The following LPCAT1 variants were observed in gnomAD, a reference collection of about 807,000 sequenced individuals.
The protein encoded by LPCAT1 is lysophosphatidylcholine acyltransferase 1.
LPCAT1 carries 23 observed loss-of-function variants against 60.9 expected under a neutral mutation model. The ratio of observed to expected loss-of-function variants is 0.38; its 90% CI spans 0.27 to 0.53. LPCAT1 has a LOEUF of 0.53. Among genes scored for constraint, LPCAT1 ranks in the 20% least tolerant of loss-of-function variants. The pLI, the probability that LPCAT1 is intolerant of heterozygous loss-of-function variation, is 0.82. For synonymous variants in LPCAT1, 340 were observed against 301.1 expected, an observed-to-expected ratio of 1.13 and a Z score of -1.34; for missense variants, 622 against 723.6, an observed-to-expected ratio of 0.86 and a Z score of 1.61.
rs1736709776 is a variant in LPCAT1, at chr5:1,522,621, C to G, written c.135+1089G>C. 6.6e-6 allele frequency among the ~76,000 whole-genome samples: 1 copy of G among 152,216 alleles called. No homozygotes were observed. The highest frequency in any genetic ancestry group is 2.1e-4 in the South Asian group (1 of 4,836). On this transcript the variant is annotated intron_variant, in intron 1 of 13. Transcript: ENST00000283415. This position sits in a 1 kb window ranked among gnomAD's most constrained non-coding sequence, Gnocchi z 6.8. ...GCAGGCGTCCTGGGAAAATGACAAG[C>G]TCAAACTGGCCTCAAGAACTTTTCA...
At position 1,488,447 on chromosome 5, in the gene LPCAT1, A is replaced by G. The variant is rs1220339034; in HGVS notation, c.611T>C (p.Met204Thr). Residue 204 changes from methionine (M) to threonine (T), a missense_variant, in exon 5 of 14, where the codon ATG (methionine) becomes ACG (threonine). Physicochemically the swap from Met to Thr is moderately conservative, Grantham distance 81 (BLOSUM62 -1). Around this residue, in one of 3 missense-constraint regions of LPCAT1, gnomAD observed 209 missense variants for 325.5 expected, o/e 0.64. Transcript: ENST00000283415. Reference sequence around the variant, plus strand: ...TGTACAAGTTCCTTCTGGAAAAATCATTATCTGGAAGTGGGAGAAAGAAAA... The same window carrying G: ...TGTACAAGTTCCTTCTGGAAAAATCGTTATCTGGAAGTGGGAGAAAGAAAA... Reference protein sequence around the residue: ...AQSNGKWPQIMIFPEGTCTNR... With the variant: ...AQSNGKWPQITIFPEGTCTNR... The G allele has an allele frequency of 5.6e-6, 9 of 1,596,956 alleles. No homozygotes were observed. The highest frequency in any genetic ancestry group is 1.7e-5 in the Admixed American group (1 of 57,534).
chr5:1,480,397 G>A lies in LPCAT1; in HGVS notation c.761+545C>T, dbSNP rs1312974937. 7 of 985,086 alleles carry A rather than the reference G, an allele frequency of 7.1e-6. No homozygotes were observed. Among genetic ancestry groups the A allele is most frequent in the South Asian group, 4.7e-5 (1 of 21,290 alleles). 61.0% of individuals were successfully genotyped at this position (985,086 alleles called of 1,614,324 possible). ...ACTTTCCCGCTCCCTCTGCCCTCCC[G>A]ACGTCAGCTCAGACGTCAGCACCCA... On this transcript the variant is annotated intron_variant, in intron 7 of 13. Transcript: ENST00000283415. This position sits in a 1 kb window ranked among gnomAD's most constrained non-coding sequence, Gnocchi z 6.4.
In LPCAT1 at chr5:1,502,108, C is replaced by T. The variant is rs1484777949; in HGVS notation, c.136-505G>A. On this transcript the variant is annotated intron_variant, in intron 1 of 13. Transcript: ENST00000283415. This position sits in a 1 kb window ranked among gnomAD's most constrained non-coding sequence, Gnocchi z 5.5. ...TGCTAACTGACATGCTCCACACCCA[C>T]TGCCCGCTTCCTGCCTCCTTACTGG... is the stretch of plus-strand genomic sequence containing the variant. Among the ~76,000 whole-genome samples, 8 of 152,254 alleles carry T rather than the reference C, an allele frequency of 5.3e-5. No homozygotes were observed. The highest frequency in any genetic ancestry group is 7.3e-5 in the Non-Finnish European group (5 of 68,044).
chr5:1,503,599 C>T lies in LPCAT1; in HGVS notation c.136-1996G>A, dbSNP rs550483991. 1.8e-4 allele frequency among the ~76,000 whole-genome samples: 27 copies of T among 152,316 alleles called. No homozygotes were observed. In the East Asian group the frequency reaches 3.9e-3, roughly 22 times the overall value. On this transcript the variant is annotated intron_variant, in intron 1 of 13. Transcript: ENST00000283415. ...CACTGTCACCAGCTGTTAAGTAAGA[C>T]GCGCCTGTCCGCTCCTGTCACTTCC...
At position 1,496,163 on chromosome 5, in the gene LPCAT1, C is replaced by A. The variant is rs887432669; in HGVS notation, c.279-1249G>T. 1.3e-5 allele frequency among the ~76,000 whole-genome samples: 2 copies of A among 152,164 alleles called. No homozygotes were observed. The highest frequency in any genetic ancestry group is 2.9e-5 in the Non-Finnish European group (2 of 68,032). On this transcript the variant is annotated intron_variant, in intron 2 of 13. Transcript: ENST00000283415. This position sits in a 1 kb window ranked among gnomAD's most constrained non-coding sequence, Gnocchi z 4.7. ...ATCACTTGAGGTCAGGAGCTCAAGACCAGCCTGGCCAACATGGTGAAACCC... is the reference window on the plus strand; with the variant it reads ...ATCACTTGAGGTCAGGAGCTCAAGAACAGCCTGGCCAACATGGTGAAACCC...
chr5:1,490,764 A>G (rs957621169), intron 3 of LPCAT1, among the ~76,000 whole-genome samples: 1 of 152,220 alleles, frequency 6.6e-6, no homozygotes, highest in Non-Finnish European at 1.5e-5. Context: ...ATGCAAGAGG[A>G]TTGAACGTGG....
chr5:1,479,804 C>T lies in LPCAT1; in HGVS notation c.762-129G>A, dbSNP rs529527904. 9.0e-5 allele frequency: 64 copies of T among 707,976 alleles called. No individual in the cohort carries two copies. In the Middle Eastern group the frequency reaches 1.2e-3, roughly 13 times the overall value. The allele number at this position is 707,976 out of a possible 1,614,324, so 43.9% of individuals were successfully genotyped here. A position where few individuals can be genotyped will look rare whatever the true frequency, so the allele number is the denominator to read the frequency against. On this transcript the variant is annotated intron_variant, in intron 7 of 13. Coordinates refer to ENST00000283415, the MANE Select transcript of LPCAT1 (RefSeq NM_024830.5). ...CGCTACTGGGCAGTCAACGCTCCCA[C>T]GGAGGGGGTGCCGTGCCCACCCAGC...
chr5:1,476,688 G>A lies in LPCAT1; in HGVS notation c.899+716C>T, dbSNP rs1734932610. Among the ~76,000 whole-genome samples, 1 of 152,156 alleles carries A rather than the reference G, an allele frequency of 6.6e-6. No individual in the cohort carries two copies. Among genetic ancestry groups the A allele is most frequent in the Non-Finnish European group, 1.5e-5 (1 of 68,032 alleles). ...AGCTCCACTGGACAGAGCTTTGCAG[G>A]AGGAAGCACTAGGGAGGCATTCACG... On this transcript the variant is annotated intron_variant, in intron 9 of 13. Transcript: ENST00000283415. This position sits in a 1 kb window ranked among gnomAD's most constrained non-coding sequence, Gnocchi z 8.6.
intron 3 of LPCAT1, among the ~76,000 whole-genome samples, chr5:1,493,136 C>T (rs574659127): frequency 1.3e-5 from 2 of 152,356 alleles, no homozygotes; most frequent in South Asian, 2.1e-4. Context: ...CCAGTGCCGG[C>T]CTGTCCAGCC....
At chr5:1,520,466 G>A (rs1388274083) in intron 1 of LPCAT1, among the ~76,000 whole-genome samples, 2 of 152,286 alleles carry the variant, frequency 1.3e-5, no homozygotes, top group Non-Finnish European at 2.9e-5. Flanking sequence ...AGACAGCAAC[G>A]CCCGTCCAAG....
chr5:1,465,997 C>T (rs1050976231), intron 13 of LPCAT1, among the ~76,000 whole-genome samples: 1 of 152,172 alleles, frequency 6.6e-6, no homozygotes, highest in East Asian at 1.9e-4. Flanking sequence ...CCCGCACAGA[C>T]GCTGTGCACG....
chr5:1,472,993 C>T (rs1386000094), intron 11 of LPCAT1, among the ~76,000 whole-genome samples: 1 of 152,030 alleles, frequency 6.6e-6, no homozygotes, highest in Admixed American at 6.5e-5. Context: ...CTCATCTTCT[C>T]TTGCTCTCTC....
At position 1,475,656 on chromosome 5, in the gene LPCAT1, A is replaced by G. The variant is rs556498333; in HGVS notation, c.900-971T>C. The stretch of plus-strand genomic sequence containing the variant: ...GAACGTGCTTCCAACACTGCCTCCT[A>G]GGACCCACTACGGGAGTGGGAAACC... On this transcript the variant is annotated intron_variant, in intron 9 of 13. Coordinates refer to ENST00000283415, the MANE Select transcript of LPCAT1 (RefSeq NM_024830.5). Among the ~76,000 whole-genome samples, 141 of 152,288 alleles carry G rather than the reference A, an allele frequency of 9.3e-4. 3 individuals are homozygous for G. The South Asian group carries it at 0.028, about 30-fold the overall frequency.
Position 1,479,632 on chromosome 5 carries a change from C to T in LPCAT1, c.805G>A (p.Val269Met). Reference protein sequence around the residue: ...WLTLCQFHNQVEIEFLPVYSP... With the variant: ...WLTLCQFHNQMEIEFLPVYSP... ...GTATCCATACGAACCTCGATTTCCA[C>T]TTGGTTGTGAAACTGACACAGCGTG... The change falls in exon 8 of 14, where the codon GTG becomes ATG. Residue 269 changes from valine (V) to methionine (M), a missense_variant. Val to Met is a conservative substitution (Grantham distance 21). Coordinates refer to ENST00000283415, the MANE Select transcript of LPCAT1 (RefSeq NM_024830.5). 6.2e-7 allele frequency: 1 copy of T among 1,611,326 alleles called. No individual in the cohort carries two copies. Among genetic ancestry groups the T allele is most frequent in the Non-Finnish European group, 8.5e-7 (1 of 1,177,398 alleles).
rs983056528 is a variant in LPCAT1 at position 1,521,051 on chromosome 5, A to C, written c.135+2659T>G. Among the ~76,000 whole-genome samples the C allele has an allele frequency of 6.6e-6, 1 of 152,046 alleles. No individual in the cohort carries two copies. Among genetic ancestry groups the C allele is most frequent in the Non-Finnish European group, 1.5e-5 (1 of 68,000 alleles). On this transcript the variant is annotated intron_variant, in intron 1 of 13. Coordinates refer to ENST00000283415, the MANE Select transcript of LPCAT1 (RefSeq NM_024830.5). This position sits in a 1 kb window ranked among gnomAD's most constrained non-coding sequence, Gnocchi z 4.3. ...TGTGACTATGAAGAACCTCAGCTGAACTCACTAAGATCCTGTACCATACCA... is the reference window on the plus strand; with the variant it reads ...TGTGACTATGAAGAACCTCAGCTGACCTCACTAAGATCCTGTACCATACCA...
At chr5:1,471,640 G>A (rs956793834) in intron 11 of LPCAT1, among the ~76,000 whole-genome samples, 1 of 151,550 alleles carries the variant, frequency 6.6e-6, no homozygotes, top group Non-Finnish European at 1.5e-5. Flanking sequence ...GCAACCAGGA[G>A]TGGAGGGAGG....
rs925530291 is a variant in LPCAT1, at chr5:1,462,227, T to G, written c.*1424A>C. 2 of 152,580 alleles carry G rather than the reference T, an allele frequency of 1.3e-5. No homozygotes were observed. Among genetic ancestry groups the G allele is most frequent in the Admixed American group, 1.3e-4 (2 of 15,286 alleles). The allele number at this position is 152,580 out of a possible 1,614,324, so 9.5% of individuals were successfully genotyped here. A position where few individuals can be genotyped will look rare whatever the true frequency, so the allele number is the denominator to read the frequency against. On this transcript the variant is annotated 3_prime_UTR_variant, in exon 14 of 14. Transcript: ENST00000283415. Reference sequence around the variant, plus strand: ...TTCATTTCAGAAATCAAAAAAATTTTCCAAACAAACCCGGAGCCTTTGCTT... The same window carrying G: ...TTCATTTCAGAAATCAAAAAAATTTGCCAAACAAACCCGGAGCCTTTGCTT...
chr5:1,520,588 C>T (rs906772579), intron 1 of LPCAT1, among the ~76,000 whole-genome samples: 2 of 152,072 alleles, frequency 1.3e-5, no homozygotes, highest in African/African-American at 2.4e-5. Flanking sequence ...GGGCCGGGCG[C>T]GGTGGTTCAC....
At chr5:1,465,893 GCA>G (rs1164884202) in intron 13 of LPCAT1, among the ~76,000 whole-genome samples, 2 of 151,170 alleles carry the variant, frequency 1.3e-5, no homozygotes, top group African/African-American at 2.4e-5. Context: ...AGGCGCACAC[GCA>G]CACACACGTG....
Sources: allele counts gnomAD v4.1 joint callset (sites outside exome capture counted in the v4.1 genomes callset), GRCh38; gene constraint gnomAD v4.1.1; regional missense constraint gnomAD v4.1.1; non-coding constraint Gnocchi (gnomAD v3.1); transcripts MANE v1.5; gene names NCBI Gene and HGNC (gene_info 2026-07-23, HGNC 2026-07-21).